The following PCDHGB3 variants were observed in gnomAD, a reference collection of about 807,000 sequenced individuals.
PCDHGB3 encodes protocadherin gamma subfamily B, 3.
PCDHGB3 carries 40 observed loss-of-function variants against 59.2 expected under a neutral mutation model. The observed-to-expected ratio is 0.68, with a 90% CI of 0.52 to 0.88. The LOEUF is 0.88. Ranked by LOEUF, PCDHGB3 falls within the 40% of genes least tolerant of loss-of-function variation. PCDHGB3 has a pLI of 0.00. For synonymous variants in PCDHGB3, 581 were observed against 503.6 expected, an observed-to-expected ratio of 1.15 and a Z score of -2.06; for missense variants, 1,309 against 1,187.9, an observed-to-expected ratio of 1.10 and a Z score of -1.50.
At chr5:141,400,174 G>T in intron 1 of PCDHGB3, 1 of 1,614,076 alleles carries the variant, frequency 6.2e-7, no homozygotes, top group Non-Finnish European at 8.5e-7. Context: ...CCCCCAGGCT[G>T]AGCTGCAGTT....
rs752954707 is a variant in PCDHGB3 at position 141,476,801 on chromosome 5, C to T, written c.2416-18006C>T. The T allele has an allele frequency of 6.2e-7, 1 of 1,613,586 alleles. No individual in the cohort carries two copies. Among genetic ancestry groups the T allele is most frequent in the Non-Finnish European group, 8.5e-7 (1 of 1,180,020 alleles). On this transcript the variant is annotated intron_variant, in intron 1 of 3. Coordinates refer to ENST00000576222, the MANE Select transcript of PCDHGB3 (RefSeq NM_018924.5). This position sits in a 1 kb window ranked among gnomAD's most constrained non-coding sequence, Gnocchi z 7.6. Reference sequence around the variant, plus strand: ...GACCCCAGCTCTCTCCGCCAGCCTGCCTATTCACATCAAGGTGCTGGACGC... The same window carrying T: ...GACCCCAGCTCTCTCCGCCAGCCTGTCTATTCACATCAAGGTGCTGGACGC...
At chr5:141,502,866 C>CTTT (rs549047197) in intron 2 of PCDHGB3, among the ~76,000 whole-genome samples, 3 of 128,046 alleles carry the variant, frequency 2.3e-5, no homozygotes, top group African/African-American at 9.3e-5. Context: ...GACTCTCTGT[C>CTTT]TTTTTTTTTT....
In PCDHGB3 at chr5:141,491,925, G is replaced by A. The variant is rs1019181943; in HGVS notation, c.2416-2882G>A. 5 of 1,325,176 alleles carry A rather than the reference G, an allele frequency of 3.8e-6. No homozygotes were observed. In the Admixed American group the frequency reaches 1.5e-4, roughly 39 times the overall value. 82.1% of individuals were successfully genotyped at this position (1,325,176 alleles called of 1,614,324 possible). A position where few individuals can be genotyped will look rare whatever the true frequency, so the allele number is the denominator to read the frequency against. On this transcript the variant is annotated intron_variant, in intron 1 of 3. Coordinates refer to ENST00000576222, the MANE Select transcript of PCDHGB3 (RefSeq NM_018924.5). The surrounding 1 kb of genome is among the most constrained non-coding windows in gnomAD (Gnocchi z 6.9). ...GGGTGGTGGCGACTGTGGGCGAGGG[G>A]AGGTGGGACCGACCCCCACCCCTAC...
intron 1 of PCDHGB3, chr5:141,409,602 C>T (rs940700383): frequency 6.2e-7 from 1 of 1,613,932 alleles, no homozygotes; most frequent in South Asian, 1.1e-5. Flanking sequence ...AACAACCCGC[C>T]AGGAGCCTCC....
intron 1 of PCDHGB3, chr5:141,478,602 T>C (rs2099466537): frequency 6.4e-7 from 1 of 1,563,560 alleles, no homozygotes; most frequent in Admixed American, 1.9e-5. Context: ...TCCTACATCA[T>C]ATTGAGGAAG....
intron 1 of PCDHGB3, chr5:141,379,506 A>T (rs774188975): frequency 9.2e-5 from 14 of 152,280 alleles, no homozygotes; most frequent in Non-Finnish European, 1.8e-4. Context: ...TGGGATGTTA[A>T]ACTACATCTT....
At chr5:141,402,580 T>C (rs1217508250) in intron 1 of PCDHGB3, among the ~76,000 whole-genome samples, 3 of 152,226 alleles carry the variant, frequency 2.0e-5, no homozygotes, top group South Asian at 4.1e-4. Context: ...CTCAGATATC[T>C]AAAAAATAGA....
chr5:141,501,290 T>TACACATACACAC (rs1224133816), intron 2 of PCDHGB3, among the ~76,000 whole-genome samples: 9 of 136,158 alleles, frequency 6.6e-5, no homozygotes, highest in Admixed American at 1.6e-4. Context: ...TATTCCCTTA[T>TACACATACACAC]ACACACACAC....
rs370503146 is a variant in PCDHGB3 at position 141,511,012 on chromosome 5, G to A, written c.2629G>A (p.Gly877Arg). 11 of 1,614,060 alleles carry A rather than the reference G, an allele frequency of 6.8e-6. No individual in the cohort carries two copies. Among genetic ancestry groups the A allele is most frequent in the Middle Eastern group, 1.6e-4 (1 of 6,084 alleles). ...AGTMGLSARYGPQFTLQHVPD... is the reference protein window; with the variant it reads ...AGTMGLSARYRPQFTLQHVPD... The stretch of plus-strand genomic sequence containing the variant: ...CACCATGGGATTGAGCGCCCGCTAC[G>A]GACCCCAGTTCACCCTGCAGCACGT... The change falls in exon 4 of 4, where the codon GGA (glycine) becomes AGA (arginine). Residue 877 changes from glycine (G) to arginine (R), a missense_variant. Transcript: ENST00000576222.
At chr5:141,409,638 C>A (rs1040366842) in intron 1 of PCDHGB3, 1 of 1,613,648 alleles carries the variant, frequency 6.2e-7, no homozygotes, top group Admixed American at 1.7e-5. Flanking sequence ...GCCTCTGACC[C>A]GGATTTGGGG....
chr5:141,372,350 GCCTCTTTCAGCCA>G lies in PCDHGB3; in HGVS notation c.1959_1971del (p.Leu654SerfsTer5), dbSNP rs1768695448. 1.2e-6 allele frequency: 2 copies of G among 1,613,880 alleles called. No homozygotes were observed. Among genetic ancestry groups the G allele is most frequent in the Admixed American group, 3.3e-5 (2 of 60,036 alleles). On this transcript the variant is annotated frameshift_variant, in exon 1 of 4. Transcript: ENST00000576222. LOFTEE classifies it high-confidence loss of function. ...TCACTGTGCGTGATGGAGGACAGCA[GCCTCTTTCAGCCA>G]CCGTCATGCTGCACCTAATCTTCGC...
Position 141,487,642 on chromosome 5 carries a change from G to A in PCDHGB3, c.2416-7165G>A, listed in dbSNP as rs747328649. 1.2e-6 allele frequency: 2 copies of A among 1,614,130 alleles called. No individual in the cohort carries two copies. The highest frequency in any genetic ancestry group is 1.3e-5 in the African/African-American group (1 of 75,062). On this transcript the variant is annotated intron_variant, in intron 1 of 3. Transcript: ENST00000576222. This position sits in a 1 kb window ranked among gnomAD's most constrained non-coding sequence, Gnocchi z 5.0. ...TGAGACCTTTGCAGGCTCAACAAAT[G>A]CTTGAGGGTTATTCTGATCCAGGCA...
chr5:141,488,548 T>C (rs112676623), intron 1 of PCDHGB3, among the ~76,000 whole-genome samples: 2 of 152,318 alleles, frequency 1.3e-5, no homozygotes, highest in African/African-American at 4.8e-5. Flanking sequence ...CCATGTCAGC[T>C]GACATTGAGA....
At chr5:141,375,047 C>T (rs201669950) in intron 1 of PCDHGB3, 1 of 1,613,958 alleles carries the variant, frequency 6.2e-7, no homozygotes, top group Non-Finnish European at 8.5e-7. Context: ...TGTTGAAGCC[C>T]GGGATGGGCC....
rs922668811 is a variant in PCDHGB3 at position 141,432,984 on chromosome 5, G to A, written c.2415+60175G>A. On this transcript the variant is annotated intron_variant, in intron 1 of 3. Transcript: ENST00000576222. This position sits in a 1 kb window ranked among gnomAD's most constrained non-coding sequence, Gnocchi z 6.0. ...GGAGCGCCGGCGTCGCACTTTGTGG[G>A]CGTGGACGGGGTGCAGGCTTTCCTG... 1.9e-6 allele frequency: 3 copies of A among 1,614,214 alleles called. No individual in the cohort carries two copies. Among genetic ancestry groups the A allele is most frequent in the Admixed American group, 1.7e-5 (1 of 60,028 alleles).
In PCDHGB3 at chr5:141,394,525, G is replaced by T; in HGVS notation, c.2415+21716G>T. ...CTGTACCCCGCCCTCCCCACAGACG[G>T]TTCCACTGGCGTGGAGCTGGCGCCC... On this transcript the variant is annotated intron_variant, in intron 1 of 3. Coordinates refer to ENST00000576222, the MANE Select transcript of PCDHGB3 (RefSeq NM_018924.5). 3 of 1,614,228 alleles carry T rather than the reference G, an allele frequency of 1.9e-6. No homozygotes were observed. The East Asian group carries it at 6.7e-5, about 36-fold the overall frequency.
At chr5:141,389,463 G>A (rs1201903320) in intron 1 of PCDHGB3, 7 of 1,613,192 alleles carry the variant, frequency 4.3e-6, no homozygotes, top group South Asian at 1.1e-5. Context: ...GCGCGCCTTC[G>A]AACTCACACT....
intron 2 of PCDHGB3, among the ~76,000 whole-genome samples, chr5:141,497,050 G>A (rs113054804): frequency 6.6e-5 from 10 of 152,096 alleles, no homozygotes; most frequent in East Asian, 5.8e-4. Context: ...TTAGCCAGGC[G>A]TGGTGGCAGG....
At chr5:141,399,237 A>C in intron 1 of PCDHGB3, 1 of 1,614,002 alleles carries the variant, frequency 6.2e-7, no homozygotes, top group Non-Finnish European at 8.5e-7. Flanking sequence ...TACATGACCA[A>C]GATTCTGGGG....
Sources: gnomAD v4.1 joint callset for allele counts (sites outside exome capture counted in the v4.1 genomes callset) on GRCh38, gnomAD v4.1.1 for gene constraint, Gnocchi (gnomAD v3.1) non-coding constraint, MANE v1.5 for transcripts, NCBI Gene and HGNC (gene_info 2026-07-23, HGNC 2026-07-21) for gene names.